Variants in HMGN3 observed in about 807,000 individuals in gnomAD.
The protein encoded by HMGN3 is high mobility group nucleosomal binding domain 3.
Under a neutral mutation model 18.8 loss-of-function variants are expected in HMGN3, and 6 were observed. The observed-to-expected ratio is 0.32, with a 90% CI of 0.18 to 0.63. The LOEUF (loss-of-function observed/expected upper bound fraction) is 0.63, where lower values mean the gene tolerates loss of function less well. Among genes scored for constraint, HMGN3 ranks in the 30% least tolerant of loss-of-function variants. The probability of loss-of-function intolerance (pLI) is 0.79; values close to 1 mark genes in which losing one functional copy is unlikely to be tolerated. For missense variants in HMGN3, 107 were observed against 114.2 expected (o/e 0.94, Z 0.29); for synonymous variants, 40 against 36.5 (o/e 1.10, Z -0.35).
intron 2 of HMGN3, among the ~76,000 whole-genome samples, chr6:79,213,597 T>C (rs1776809932): frequency 6.6e-6 from 1 of 152,260 alleles, no homozygotes; most frequent in African/African-American, 2.4e-5. Context: ...TGCATGTGTG[T>C]GATGACTCTG....
At chr6:79,225,070 C>G (rs1033254707) in intron 1 of HMGN3, among the ~76,000 whole-genome samples, 1 of 152,122 alleles carries the variant, frequency 6.6e-6, no homozygotes, top group Non-Finnish European at 1.5e-5. Flanking sequence ...ACTTAAGGAG[C>G]CTTTAAAGCT....
At chr6:79,214,106 T>A (rs1009140728) in intron 2 of HMGN3, among the ~76,000 whole-genome samples, 4 of 152,136 alleles carry the variant, frequency 2.6e-5, no homozygotes, top group Non-Finnish European at 4.4e-5. Context: ...CATCTTTGAA[T>A]CATTGCCTAA....
chr6:79,214,301 A>T (rs1776850720), intron 2 of HMGN3, among the ~76,000 whole-genome samples: 1 of 149,718 alleles, frequency 6.7e-6, no homozygotes, highest in Non-Finnish European at 1.5e-5. Flanking sequence ...TCCCAGGTTC[A>T]CACCATTCTC....
At chr6:79,215,971 G>A (rs958631196) in intron 1 of HMGN3, among the ~76,000 whole-genome samples, 1 of 152,162 alleles carries the variant, frequency 6.6e-6, no homozygotes, top group Non-Finnish European at 1.5e-5. Flanking sequence ...ATAGCAAACT[G>A]ACATTTGACA....
intron 5 of HMGN3, 52 bp downstream of exon 6, chr6:79,202,011 T>C: frequency 6.6e-7 from 1 of 1,508,312 alleles, no homozygotes; most frequent in Non-Finnish European, 8.8e-7. Context: ...ACCACACTAC[T>C]ATCTGATTCT....
At chr6:79,212,274 A>T (rs1776731016) in intron 2 of HMGN3, among the ~76,000 whole-genome samples, 1 of 152,194 alleles carries the variant, frequency 6.6e-6, no homozygotes, top group African/African-American at 2.4e-5. Context: ...ACCCAGGGAA[A>T]ATCATGTTTC....
At chr6:79,208,600 A>T in intron 2 of HMGN3, 24 bp from the exon 3 acceptor site, 1 of 1,571,492 alleles carries the variant, frequency 6.4e-7, no homozygotes, top group Non-Finnish European at 8.8e-7. Context: ...GGGAAAATAT[A>T]CATATTTTTT....
intron 1 of HMGN3, among the ~76,000 whole-genome samples, chr6:79,231,660 G>A (rs1257253760): frequency 1.3e-5 from 2 of 152,136 alleles, no homozygotes; most frequent in Admixed American, 6.6e-5. Context: ...ACTGAGGCCT[G>A]GTCATGTTAA....
At chr6:79,207,029 C>T (rs1290457556) in intron 3 of HMGN3, among the ~76,000 whole-genome samples, 1 of 152,122 alleles carries the variant, frequency 6.6e-6, no homozygotes, top group African/African-American at 2.4e-5. Flanking sequence ...ATGTATTTAC[C>T]CAATATCTGT....
chr6:79,234,577 A>G (rs938313188), exon 1 of HMGN3: 7 of 1,611,886 alleles, frequency 4.3e-6, no homozygotes, highest in Non-Finnish European at 5.9e-6. Context: ...TATGTCGGTG[A>G]AGCAAAAAGT....
rs778306170 is a variant in HMGN3, at chr6:79,208,585, G to C, written c.67-9C>G. 6.2e-7 allele frequency: 1 copy of C among 1,606,926 alleles called. No homozygotes were observed. Among genetic ancestry groups the C allele is most frequent in the East Asian group, 2.2e-5 (1 of 44,858 alleles). On this transcript the variant is annotated splice_polypyrimidine_tract_variant and intron_variant, in intron 2 of 5. Coordinates refer to ENST00000344726, the Ensembl canonical transcript of HMGN3. ...GCAGACCGTCTTGTGGGCTACAAAG[G>C]GAATGGGAAAATATACATATTTTTT...
chr6:79,202,465 T>A, intron 4 of HMGN3, 76 bp from the exon 5 acceptor site: 1 of 1,196,248 alleles, frequency 8.4e-7, no homozygotes, highest in Non-Finnish European at 1.2e-6. Context: ...TCAGCCTCTG[T>A]CCAAACACAA....
At chr6:79,220,939 CT>C (rs1260600519) in intron 1 of HMGN3, among the ~76,000 whole-genome samples, 1 of 151,898 alleles carries the variant, frequency 6.6e-6, no homozygotes, top group Non-Finnish European at 1.5e-5. Flanking sequence ...AATTTATTTT[CT>C]AAAAAGGCCT....
chr6:79,214,821 T>C lies in HMGN3; in HGVS notation c.66+151A>G, dbSNP rs766705793. On this transcript the variant is annotated intron_variant, in intron 2 of 5. Coordinates refer to ENST00000344726, the Ensembl canonical transcript of HMGN3. ...AAGCGAGACTACATATAGACACTTATCGCTCTTTCAGGTAGTCTTAACAAC... is the reference window on the plus strand; with the variant it reads ...AAGCGAGACTACATATAGACACTTACCGCTCTTTCAGGTAGTCTTAACAAC... The C allele has an allele frequency of 3.4e-5, 20 of 588,566 alleles. No individual in the cohort carries two copies. In the Admixed American group the frequency reaches 3.9e-4, roughly 11 times the overall value. 36.5% of individuals were successfully genotyped at this position (588,566 alleles called of 1,614,324 possible).
exon 1 of HMGN3, chr6:79,234,649 T>G: frequency 7.5e-7 from 1 of 1,331,032 alleles, no homozygotes; most frequent in Non-Finnish European, 1.1e-6. Flanking sequence ...CTGCAGCTGC[T>G]CACGCGCAGG....
intron 3 of HMGN3, among the ~76,000 whole-genome samples, chr6:79,208,179 T>C (rs1373980348): frequency 6.6e-6 from 1 of 152,210 alleles, no homozygotes; most frequent in Non-Finnish European, 1.5e-5. Context: ...TTCTCATACA[T>C]ACATTCTAAA....
intron 1 of HMGN3, among the ~76,000 whole-genome samples, chr6:79,216,748 G>A (rs56068067): frequency 1.3e-5 from 2 of 152,178 alleles, no homozygotes; most frequent in African/African-American, 4.8e-5. Context: ...CTTAGTCTGA[G>A]CATATGAAGA....
At chr6:79,234,472 G>T in intron 1 of HMGN3, 74 bp downstream of exon 1, 2 of 1,447,062 alleles carry the variant, frequency 1.4e-6, no homozygotes, top group Non-Finnish European at 1.9e-6. Context: ...CGTTCTGCGC[G>T]AGCCATTGCA....
intron 2 of HMGN3, among the ~76,000 whole-genome samples, chr6:79,213,986 G>A (rs1468318927): frequency 1.3e-5 from 2 of 152,076 alleles, no homozygotes; most frequent in African/African-American, 4.8e-5. Flanking sequence ...TTTTCCTACT[G>A]TTTAGCCCAT....
Sources: allele counts gnomAD v4.1 joint callset (sites outside exome capture counted in the v4.1 genomes callset), GRCh38; gene constraint gnomAD v4.1.1; transcripts MANE v1.5; gene names NCBI Gene and HGNC (gene_info 2026-07-23, HGNC 2026-07-21).